ASTN2: variants seen among roughly 807,000 people sequenced by gnomAD.
ASTN2 encodes astrotactin-2.
ASTN2 carries 54 observed loss-of-function variants against 139.8 expected under a neutral mutation model. The observed-to-expected ratio is 0.39, with a 90% CI of 0.31 to 0.48. The LOEUF (loss-of-function observed/expected upper bound fraction) is 0.48, where lower values mean the gene tolerates loss of function less well. ASTN2 is among the 20% of genes least tolerant of loss of function. ASTN2 has a pLI of 0.95. For missense variants in ASTN2, 1,565 were observed against 1,725.1 expected, an observed-to-expected ratio of 0.91 and a Z score of 1.64; for synonymous variants, 756 against 719.5, an observed-to-expected ratio of 1.05 and a Z score of -0.81.
chr9:117,191,986 G>A (rs905980057), intron 3 of ASTN2, among the ~76,000 whole-genome samples: 5 of 152,168 alleles, frequency 3.3e-5, no homozygotes, highest in East Asian at 1.9e-4. Context: ...GAGCATGCCC[G>A]TTTGTTTTGC....
At position 116,843,659 on chromosome 9, in the gene ASTN2, C is replaced by CAA. The variant is rs34552965; in HGVS notation, c.2040+19922_2040+19923dup. Among the ~76,000 whole-genome samples, 451 of 115,604 alleles carry CAA rather than the reference C, an allele frequency of 3.9e-3. 1 individual carries two copies. The highest frequency in any genetic ancestry group is 5.4e-3 in the Non-Finnish European group (297 of 55,268). 75.8% of individuals were successfully genotyped at this position (115,604 alleles called of 152,430 possible). A position where few individuals can be genotyped will look rare whatever the true frequency, so the allele number is the denominator to read the frequency against. The stretch of plus-strand genomic sequence containing the variant: ...GGGCAACATGAGCAAAACTCTGTCT[C>CAA]AAAAAAAAAAAAAAAAAGTGGGAGC... On this transcript the variant is annotated intron_variant, in intron 11 of 22. Transcript: ENST00000313400.
At chr9:116,930,938 T>C (rs1184846063) in intron 10 of ASTN2, among the ~76,000 whole-genome samples, 1 of 151,990 alleles carries the variant, frequency 6.6e-6, no homozygotes, top group African/African-American at 2.4e-5. Context: ...TTTTTCCTCC[T>C]CCAGGCCCAG....
At chr9:116,461,109 T>G (rs543675245) in intron 20 of ASTN2, among the ~76,000 whole-genome samples, 5 of 152,216 alleles carry the variant, frequency 3.3e-5, no homozygotes, top group East Asian at 3.9e-4. Context: ...TCCTTTTCCA[T>G]GAAGTTCCCT....
intron 3 of ASTN2, among the ~76,000 whole-genome samples, chr9:117,203,216 A>C (rs1270950871): frequency 6.6e-6 from 1 of 151,714 alleles, no homozygotes; most frequent in Non-Finnish European, 1.5e-5. Flanking sequence ...TAAACTGGTT[A>C]CTCTAGTTAG....
chr9:117,240,094 C>G (rs1399045251), intron 2 of ASTN2, among the ~76,000 whole-genome samples: 1 of 152,112 alleles, frequency 6.6e-6, no homozygotes, highest in Non-Finnish European at 1.5e-5. Flanking sequence ...AGTCAGGGGC[C>G]ATTTGTAGTT....
intron 3 of ASTN2, among the ~76,000 whole-genome samples, chr9:117,152,069 CT>C (rs1321155743): frequency 6.6e-6 from 1 of 152,116 alleles, no homozygotes; most frequent in African/African-American, 2.4e-5. Flanking sequence ...TCAGTTCCTT[CT>C]CTGAAAAATG....
chr9:117,325,383 T>C (rs1380768038), intron 1 of ASTN2, among the ~76,000 whole-genome samples: 1 of 152,128 alleles, frequency 6.6e-6, no homozygotes, highest in Non-Finnish European at 1.5e-5. Flanking sequence ...TGCCATGGGC[T>C]CTTCAGGCAG....
chr9:117,408,639 A>C (rs1224795873), intron 1 of ASTN2, among the ~76,000 whole-genome samples: 2 of 152,174 alleles, frequency 1.3e-5, no homozygotes, highest in Admixed American at 1.3e-4. Flanking sequence ...AATTTTGCAG[A>C]CTGAGGTCCC....
intron 10 of ASTN2, among the ~76,000 whole-genome samples, chr9:116,916,560 A>T (rs1045685419): frequency 6.6e-6 from 1 of 152,192 alleles, no homozygotes; most frequent in Admixed American, 6.5e-5. Flanking sequence ...TAGTAGAAAG[A>T]TGTGGGCCAG....
chr9:116,599,572 G>A (rs1854764257), intron 19 of ASTN2, among the ~76,000 whole-genome samples: 1 of 152,180 alleles, frequency 6.6e-6, no homozygotes, highest in Admixed American at 6.5e-5. Context: ...TATGGAAAAT[G>A]TGTTTTGAGA....
intron 19 of ASTN2, among the ~76,000 whole-genome samples, chr9:116,610,674 C>G (rs2131797408): frequency 6.6e-6 from 1 of 152,076 alleles, no homozygotes; most frequent in Non-Finnish European, 1.5e-5. Flanking sequence ...AGCTGGAGTA[C>G]TTAGACAAAG....
At chr9:116,573,639 C>T (rs1853612265) in intron 19 of ASTN2, among the ~76,000 whole-genome samples, 1 of 151,942 alleles carries the variant, frequency 6.6e-6, no homozygotes, top group Non-Finnish European at 1.5e-5. Flanking sequence ...TGTTTGTTTG[C>T]TTTTGCTTTT....
intron 20 of ASTN2, among the ~76,000 whole-genome samples, chr9:116,463,087 C>T (rs908842680): frequency 1.3e-5 from 2 of 152,098 alleles, no homozygotes; most frequent in Non-Finnish European, 2.9e-5. Flanking sequence ...CATATTCAAT[C>T]AGTTTCCAAG....
intron 3 of ASTN2, among the ~76,000 whole-genome samples, chr9:117,164,326 G>T (rs1406623073): frequency 6.6e-6 from 1 of 152,060 alleles, no homozygotes; most frequent in African/African-American, 2.4e-5. Flanking sequence ...ACTGGCTGAA[G>T]AACCCTTTGG....
At chr9:116,487,570 C>T in intron 19 of ASTN2, 70 bp from the exon 20 acceptor site, 1 of 1,435,576 alleles carries the variant, frequency 7.0e-7, no homozygotes. Context: ...TGCTGTCATC[C>T]AAACCTATCA....
chr9:116,813,989 T>A (rs935208859), intron 12 of ASTN2, among the ~76,000 whole-genome samples: 1 of 150,292 alleles, frequency 6.7e-6, no homozygotes. Context: ...TGAACTGAGA[T>A]TGTGCCATTG....
intron 19 of ASTN2, among the ~76,000 whole-genome samples, chr9:116,506,869 G>A (rs1230407343): frequency 6.6e-6 from 1 of 152,178 alleles, no homozygotes; most frequent in Non-Finnish European, 1.5e-5. Flanking sequence ...GGGCTTGGAC[G>A]TGGGCTGTGC....
chr9:116,558,666 C>T (rs4837620), intron 19 of ASTN2, among the ~76,000 whole-genome samples: 2 of 151,984 alleles, frequency 1.3e-5, no homozygotes, highest in Non-Finnish European at 2.9e-5. Context: ...TGTCAAGCCA[C>T]GGGTTCTGAC....
intron 1 of ASTN2, among the ~76,000 whole-genome samples, chr9:117,365,304 AAAG>A (rs1829810889): frequency 1.4e-5 from 2 of 147,132 alleles, no homozygotes; most frequent in Admixed American, 1.3e-4. Flanking sequence ...AAAGAAAAAG[AAAG>A]AAAGAAAAAG....
Sources: allele counts gnomAD v4.1 joint callset (sites outside exome capture counted in the v4.1 genomes callset), GRCh38; gene constraint gnomAD v4.1.1; transcripts MANE v1.5; gene names NCBI Gene and HGNC (gene_info 2026-07-23, HGNC 2026-07-21).